The following CADPS variants were observed in gnomAD, a reference collection of about 807,000 sequenced individuals.
CADPS encodes calcium-dependent secretion activator 1.
Under a neutral mutation model 167.3 loss-of-function variants are expected in CADPS, and 57 were observed. That is an observed-to-expected ratio of 0.34 (90% CI 0.28 to 0.42). CADPS has a LOEUF of 0.42. CADPS is among the 20% of genes least tolerant of loss of function. CADPS has a pLI of 1.00. For missense variants in CADPS, 1,414 were observed against 1,738.1 expected (o/e 0.81, Z 3.32); for synonymous variants, 676 against 635.3 (o/e 1.06, Z -0.96).
At chr3:62,694,125 A>G (rs2079799932) in intron 3 of CADPS, among the ~76,000 whole-genome samples, 1 of 152,058 alleles carries the variant, frequency 6.6e-6, no homozygotes, top group Non-Finnish European at 1.5e-5. Flanking sequence ...ACTTCCTCTC[A>G]CGAAGGCTGG....
rs765379258 is a variant in CADPS at position 62,516,141 on chromosome 3, C to A, written c.2499G>T (p.Glu833Asp). The A allele has an allele frequency of 6.2e-7, 1 of 1,613,274 alleles. No individual in the cohort carries two copies. The highest frequency in any genetic ancestry group is 8.5e-7 in the Non-Finnish European group (1 of 1,179,410). Residue 833 changes from glutamate (E) to aspartate (D), a missense_variant, in exon 16 of 30, where the codon GAG becomes GAT. By Grantham distance (45) the Glu-to-Asp change is conservative (BLOSUM62 2). This residue lies in a region of CADPS where 529 missense variants were observed against 629.6 expected (regional missense o/e 0.84). Coordinates refer to ENST00000383710, the MANE Select transcript of CADPS (RefSeq NM_003716.4). ...KDIVTPVPQE[E>D]VKTVIRKCLE... The stretch of plus-strand genomic sequence containing the variant: ...GACATTTACGGATAACTGTTTTTAC[C>A]TCCTCTTGTGGCACTGGGGTAACAA...
intron 3 of CADPS, among the ~76,000 whole-genome samples, chr3:62,664,677 C>A (rs2074076952): frequency 6.6e-6 from 1 of 152,226 alleles, no homozygotes; most frequent in African/African-American, 2.4e-5. Context: ...TGGTTATTGT[C>A]TAAAGTTGGT....
chr3:62,779,784 A>G (rs1039526507), intron 1 of CADPS: 9 of 294,466 alleles, frequency 3.1e-5, no homozygotes, highest in Non-Finnish European at 4.6e-5. Context: ...GCTCCTCAAC[A>G]CAATGTCAGT....
intron 1 of CADPS, among the ~76,000 whole-genome samples, chr3:62,775,701 C>G (rs948600445): frequency 6.6e-6 from 1 of 152,070 alleles, no homozygotes; most frequent in South Asian, 2.1e-4. Flanking sequence ...TTTTAAAAAG[C>G]CTTGTTAAGT....
chr3:62,502,631 C>A (rs752388176), intron 17 of CADPS, among the ~76,000 whole-genome samples: 1 of 151,944 alleles, frequency 6.6e-6, no homozygotes, highest in Admixed American at 6.6e-5. Flanking sequence ...CTTGAGAGCC[C>A]GAGTCTCAGC....
chr3:62,765,927 C>T lies in CADPS; in HGVS notation c.499G>A (p.Glu167Lys). The T allele has an allele frequency of 6.2e-7, 1 of 1,613,536 alleles. No homozygotes were observed. The highest frequency in any genetic ancestry group is 8.5e-7 in the Non-Finnish European group (1 of 1,179,584). The change falls in exon 2 of 30, where the codon GAA (glutamate) becomes AAA (lysine). Residue 167 changes from glutamate to lysine, a missense_variant. Glu to Lys is a moderately conservative substitution (Grantham distance 56). Transcript: ENST00000383710. ...KDRFQAFLNG[E>K]TQIMADEAFM... ...GCTTCGTCAGCCATGATCTGGGTTT[C>T]CCCATTGAGGAAAGCCTGAAACCGG...
Position 62,592,652 on chromosome 3 carries a change from GT to G in CADPS, c.1421del (p.Asp474AlafsTer24). ...TESTGVLALE[D>X]KELGRVILHP... Reference sequence around the variant, plus strand: ...AAGTGCTTACCCGCCCAAGCTCCTTGTCCTCCAACGCCAGGACGCCTGTGCT... The same window carrying G: ...AAGTGCTTACCCGCCCAAGCTCCTTGCCTCCAACGCCAGGACGCCTGTGCT... On this transcript the variant is annotated frameshift_variant, in exon 7 of 30. Transcript: ENST00000383710. LOFTEE classifies it high-confidence loss of function. The G allele has an allele frequency of 6.2e-7, 1 of 1,613,574 alleles. No homozygotes were observed. Among genetic ancestry groups the G allele is most frequent in the Non-Finnish European group, 8.5e-7 (1 of 1,179,508 alleles).
intron 3 of CADPS, among the ~76,000 whole-genome samples, chr3:62,688,010 T>C (rs1314244771): frequency 6.6e-6 from 1 of 152,054 alleles, no homozygotes; most frequent in Non-Finnish European, 1.5e-5. Context: ...TTATTGAGCA[T>C]GTGCTTTGCT....
intron 1 of CADPS, among the ~76,000 whole-genome samples, chr3:62,856,924 T>C (rs564158173): frequency 6.6e-6 from 1 of 151,600 alleles, no homozygotes; most frequent in Admixed American, 6.6e-5. Context: ...TTATAATCTT[T>C]GGATAGAGAA....
chr3:62,653,930 A>G (rs1314577242), intron 4 of CADPS, among the ~76,000 whole-genome samples: 1 of 152,142 alleles, frequency 6.6e-6, no homozygotes, highest in Non-Finnish European at 1.5e-5. Context: ...CTTTCTAAAC[A>G]CGCTGTGCAT....
At chr3:62,644,429 T>A (rs2068083384) in intron 6 of CADPS, among the ~76,000 whole-genome samples, 1 of 152,214 alleles carries the variant, frequency 6.6e-6, no homozygotes, top group East Asian at 1.9e-4. Flanking sequence ...ATGAACCCAT[T>A]ATTGCTCCTG....
At chr3:62,526,874 C>G (rs947301534) in intron 13 of CADPS, among the ~76,000 whole-genome samples, 1 of 152,174 alleles carries the variant, frequency 6.6e-6, no homozygotes, top group African/African-American at 2.4e-5. Flanking sequence ...ATTAGAATCT[C>G]TGCAGGTGGA....
chr3:62,476,461 G>A (rs1341972859), intron 23 of CADPS, among the ~76,000 whole-genome samples: 4 of 152,124 alleles, frequency 2.6e-5, no homozygotes, highest in Admixed American at 6.5e-5. Flanking sequence ...CCATACATGT[G>A]CAGTGGAGCA....
At chr3:62,581,043 T>C (rs114921992) in intron 8 of CADPS, among the ~76,000 whole-genome samples, 1,896 of 152,162 alleles carry the variant, frequency 0.012, 38 homozygotes, top group African/African-American at 0.043. Flanking sequence ...CAGTAAAGAG[T>C]GATCATGGAG....
chr3:62,593,424 C>G (rs1000643897), intron 6 of CADPS, among the ~76,000 whole-genome samples: 2 of 152,186 alleles, frequency 1.3e-5, no homozygotes, highest in Non-Finnish European at 2.9e-5. Flanking sequence ...CACATGAGCC[C>G]TTGATGTGCC....
chr3:62,532,964 T>C lies in CADPS; in HGVS notation c.2198A>G (p.Asp733Gly), dbSNP rs747244589. 1.2e-6 allele frequency: 2 copies of C among 1,613,826 alleles called. No homozygotes were observed. Among genetic ancestry groups the C allele is most frequent in the Non-Finnish European group, 1.7e-6 (2 of 1,179,852 alleles). The change falls in exon 13 of 30, where the codon GAC becomes GGC. Residue 733 changes from aspartate to glycine, a missense_variant. Transcript: ENST00000383710. ...GCHRHLCYLRDLLERAENGAM... is the reference protein window; with the variant it reads ...GCHRHLCYLRGLLERAENGAM... Reference sequence around the variant, plus strand: ...GCCATTTTCTGCCCGTTCAAGCAAGTCTCTGAGGTAGCAGAGATGTCGGTG... The same window carrying C: ...GCCATTTTCTGCCCGTTCAAGCAAGCCTCTGAGGTAGCAGAGATGTCGGTG...
chr3:62,669,020 C>A (rs1037936401), intron 3 of CADPS, among the ~76,000 whole-genome samples: 2 of 152,212 alleles, frequency 1.3e-5, no homozygotes, highest in African/African-American at 2.4e-5. Context: ...AAAGACTGAA[C>A]TTTGCTGGCC....
At chr3:62,639,417 T>C (rs1431110620) in intron 6 of CADPS, among the ~76,000 whole-genome samples, 4 of 152,052 alleles carry the variant, frequency 2.6e-5, no homozygotes, top group Non-Finnish European at 5.9e-5. Flanking sequence ...GAAGCCTCAT[T>C]CCCTTTCCCA....
At chr3:62,413,168 T>A (rs1278160928) in intron 28 of CADPS, among the ~76,000 whole-genome samples, 3 of 152,162 alleles carry the variant, frequency 2.0e-5, no homozygotes, top group African/African-American at 7.2e-5. Flanking sequence ...TGATGTGAAT[T>A]TTCAGTTAGG....
Sources: allele counts gnomAD v4.1 joint callset (sites outside exome capture counted in the v4.1 genomes callset), GRCh38; gene constraint gnomAD v4.1.1; regional missense constraint gnomAD v4.1.1; transcripts MANE v1.5; gene names NCBI Gene and HGNC (gene_info 2026-07-23, HGNC 2026-07-21).